The following NPR1 variants were observed in gnomAD, a reference collection of about 807,000 sequenced individuals.
NPR1 encodes atrial natriuretic peptide receptor 1.
NPR1 carries 57 observed loss-of-function variants against 116.9 expected under a neutral mutation model. That is an observed-to-expected ratio of 0.49 (90% CI 0.39 to 0.61). The LOEUF is 0.61. Among genes scored for constraint, NPR1 ranks in the 20% least tolerant of loss-of-function variants. The pLI is 0.00. For synonymous variants in NPR1, 555 were observed against 601.6 expected (o/e 0.92, Z 1.13); for missense variants, 1,096 against 1,409.8 (o/e 0.78, Z 3.56).
At position 153,683,783 on chromosome 1, in the gene NPR1, C is replaced by A; in HGVS notation, c.1443C>A (p.Leu481=). 1 of 1,614,112 alleles carries A rather than the reference C, an allele frequency of 6.2e-7. No homozygotes were observed. The highest frequency in any genetic ancestry group is 1.6e-4 in the Middle Eastern group (1 of 6,062). ...TLEVLALVGS[L]SLLGILIVSF... ...AGGTGCTGGCTTTGGTGGGCAGCCTCTCCTTGCTCGGCATTCTGATTGTCT... is the reference window on the plus strand; with the variant it reads ...AGGTGCTGGCTTTGGTGGGCAGCCTATCCTTGCTCGGCATTCTGATTGTCT... Residue 481 remains leucine (L), a synonymous_variant, in exon 7 of 22, where the codon CTC becomes CTA. Transcript: ENST00000368680.
intron 13 of NPR1, 64 bp from the exon 14 acceptor site, chr1:153,687,570 G>T (rs1669966332): frequency 1.3e-6 from 2 of 1,527,140 alleles, no homozygotes; most frequent in Admixed American, 2.1e-5. Flanking sequence ...CCACACCCTT[G>T]TTTCCCCCTC....
chr1:153,690,942 C>CAAAAAA (rs57820357), intron 20 of NPR1, among the ~76,000 whole-genome samples: 5 of 51,316 alleles, frequency 9.7e-5, no homozygotes, highest in African/African-American at 1.4e-4. Context: ...AACTCTGTCT[C>CAAAAAA]AAAAAAAAAA....
In NPR1 at chr1:153,679,130, G is replaced by C. The variant is rs767857443; in HGVS notation, c.22G>C (p.Ala8Pro). 1.4e-6 allele frequency: 2 copies of C among 1,442,094 alleles called. No individual in the cohort carries two copies. The highest frequency in any genetic ancestry group is 2.8e-5 in the South Asian group (2 of 70,642). 89.3% of individuals were successfully genotyped at this position (1,442,094 alleles called of 1,614,324 possible). A position where few individuals can be genotyped will look rare whatever the true frequency, so the allele number is the denominator to read the frequency against. Reference sequence around the variant, plus strand: ...GGCCATGCCGGGGCCCCGGCGCCCCGCTGGCTCCCGCCTGCGCCTGCTCCT... The same window carrying C: ...GGCCATGCCGGGGCCCCGGCGCCCCCCTGGCTCCCGCCTGCGCCTGCTCCT... Reference protein sequence around the residue: MPGPRRPAGSRLRLLLLL... With the variant: MPGPRRPPGSRLRLLLLL... The change falls in exon 1 of 22, where the codon GCT (alanine) becomes CCT (proline). Residue 8 changes from alanine to proline, a missense_variant. Transcript: ENST00000368680. This position sits in a 1 kb window ranked among gnomAD's most constrained non-coding sequence, Gnocchi z 4.2.
chr1:153,685,818 T>G lies in NPR1; in HGVS notation c.1618T>G (p.Tyr540Asp). The stretch of plus-strand genomic sequence containing the variant: ...TCCCTCCTTTCAGAGAGGCTCCAAT[T>G]ACGGCTCCCTGCTAACCACAGAGGG... ...RLTLSGRGSN[Y>D]GSLLTTEGQF... Residue 540 changes from tyrosine (Y) to aspartate (D), a missense_variant, in exon 9 of 22, where the codon TAC becomes GAC. Physicochemically the swap from Tyr to Asp is radical, Grantham distance 160. Coordinates refer to ENST00000368680, the MANE Select transcript of NPR1 (RefSeq NM_000906.4). 6.2e-7 allele frequency: 1 copy of G among 1,614,090 alleles called. No individual in the cohort carries two copies. The highest frequency in any genetic ancestry group is 2.2e-5 in the East Asian group (1 of 44,884).
rs770343388 is a variant in NPR1 at position 153,689,188 on chromosome 1, C to G, written c.2565C>G (p.His855Gln). Residue 855 changes from histidine to glutamine, a missense_variant and splice_region_variant, in exon 17 of 22, where the codon CAC becomes CAG. Physicochemically the swap from His to Gln is conservative, Grantham distance 24. Coordinates refer to ENST00000368680, the MANE Select transcript of NPR1 (RefSeq NM_000906.4). This position sits in a 1 kb window ranked among gnomAD's most constrained non-coding sequence, Gnocchi z 5.1. ...TCCTGCACCTGCCCTGACCCCTTAG[C>G]TCAGTGGCTGAGCAGCTGAAGCGTG... ...AEALLYQILP[H>Q]SVAEQLKRGE... The G allele has an allele frequency of 5.0e-6, 8 of 1,614,242 alleles. No homozygotes were observed. Among genetic ancestry groups the G allele is most frequent in the Non-Finnish European group, 5.9e-6 (7 of 1,180,044 alleles).
chr1:153,681,627 CTTG>C (rs1213022213), intron 3 of NPR1, 74 bp from the exon 4 acceptor site: 27 of 1,535,124 alleles, frequency 1.8e-5, no homozygotes, highest in Admixed American at 3.8e-5. Flanking sequence ...CCCAGTGCCT[CTTG>C]TTCCCTTCCC....
Position 153,681,274 on chromosome 1 carries a change from T to A in NPR1, c.1016T>A (p.Phe339Tyr), listed in dbSNP as rs533008573. 1.4e-5 allele frequency: 22 copies of A among 1,610,200 alleles called. No individual in the cohort carries two copies. The South Asian group carries it at 2.3e-4, about 17-fold the overall frequency. The change falls in exon 3 of 22, where the codon TTC (phenylalanine) becomes TAC (tyrosine). Residue 339 changes from phenylalanine (F) to tyrosine (Y), a missense_variant. Transcript: ENST00000368680. Reference protein sequence around the residue: ...LKHLAYEQFNFTMEDGLVNTI... With the variant: ...LKHLAYEQFNYTMEDGLVNTI... ...CACCTGGCCTATGAGCAGTTCAACT[T>A]CACCATGGAGGATGGCCTGGTAAGA...
intron 15 of NPR1, 151 bp downstream of exon 15, chr1:153,688,372 T>A (rs371647645): frequency 1.3e-5 from 10 of 757,054 alleles, no homozygotes; most frequent in Non-Finnish European, 2.1e-5. Context: ...CACAGCCTCA[T>A]GACCCTCTTC....
rs1469131116 is a variant in NPR1, at chr1:153,686,998, C to A, written c.1864-18C>A. The A allele has an allele frequency of 6.2e-7, 1 of 1,613,894 alleles. No individual in the cohort carries two copies. The highest frequency in any genetic ancestry group is 8.5e-7 in the Non-Finnish European group (1 of 1,179,762). On this transcript the variant is annotated intron_variant, in intron 11 of 21. Transcript: ENST00000368680. ...GGGGATCTGCAGGGGATTGGTCTGA[C>A]TCTTATTGCCCCAGCAGGACATTCT...
At position 153,689,262 on chromosome 1, in the gene NPR1, G is replaced by A. The variant is rs1670021602; in HGVS notation, c.2639G>A (p.Ser880Asn). Reference sequence around the variant, plus strand: ...TTTGACAGTGTTACCATCTACTTCAGTGACATTGTGGGTTTCACAGCGCTG... The same window carrying A: ...TTTGACAGTGTTACCATCTACTTCAATGACATTGTGGGTTTCACAGCGCTG... ...EAFDSVTIYF[S>N]DIVGFTALSA... is the part of the protein sequence containing the mutation. The change falls in exon 17 of 22, where the codon AGT becomes AAT. Residue 880 changes from serine to asparagine, a missense_variant. Coordinates refer to ENST00000368680, the MANE Select transcript of NPR1 (RefSeq NM_000906.4). The surrounding 1 kb of genome is among the most constrained non-coding windows in gnomAD (Gnocchi z 5.1). The A allele has an allele frequency of 6.2e-7, 1 of 1,614,122 alleles. No homozygotes were observed. The highest frequency in any genetic ancestry group is 1.1e-5 in the South Asian group (1 of 91,094).
At chr1:153,690,063 CT>C in intron 19 of NPR1, 83 bp downstream of exon 19, 1 of 1,215,588 alleles carries the variant, frequency 8.2e-7, no homozygotes, top group Non-Finnish European at 1.1e-6. Context: ...GCCCCTCGCC[CT>C]TTCATCTCTC....
intron 2 of NPR1, 32 bp downstream of exon 2, chr1:153,680,732 T>C (rs1557960187): frequency 2.6e-6 from 4 of 1,560,068 alleles, no homozygotes; most frequent in Non-Finnish European, 3.5e-6. Context: ...CCAGGCTGTC[T>C]CAGCTTGTGG....
intron 20 of NPR1, among the ~76,000 whole-genome samples, chr1:153,692,272 T>G (rs1670127498): frequency 6.6e-6 from 1 of 152,172 alleles, no homozygotes; most frequent in African/African-American, 2.4e-5. Flanking sequence ...AGAATTTATT[T>G]TACATACCTA....
chr1:153,687,885 C>T (rs1406999765), intron 14 of NPR1, 96 bp downstream of exon 14: 2 of 1,332,120 alleles, frequency 1.5e-6, no homozygotes, highest in African/African-American at 2.9e-5. Flanking sequence ...CACCTTCCTT[C>T]TGTAATGGGG....
Position 153,679,115 on chromosome 1 carries a change from G to A in NPR1, c.7G>A (p.Gly3Arg). 3 of 1,429,306 alleles carry A rather than the reference G, an allele frequency of 2.1e-6. No homozygotes were observed. Among genetic ancestry groups the A allele is most frequent in the Middle Eastern group, 2.5e-4 (1 of 3,986 alleles). 88.5% of individuals were successfully genotyped at this position (1,429,306 alleles called of 1,614,324 possible). Residue 3 changes from glycine to arginine, a missense_variant, in exon 1 of 22, where the codon GGG (glycine) becomes AGG (arginine). Physicochemically the swap from Gly to Arg is moderately radical, Grantham distance 125 (BLOSUM62 -2). Coordinates refer to ENST00000368680, the MANE Select transcript of NPR1 (RefSeq NM_000906.4). This position sits in a 1 kb window ranked among gnomAD's most constrained non-coding sequence, Gnocchi z 4.2. The stretch of plus-strand genomic sequence containing the variant: ...TGCGGTGCCCGCTGAGGCCATGCCG[G>A]GGCCCCGGCGCCCCGCTGGCTCCCG... The part of the protein sequence containing the change: MP[G>R]PRRPAGSRLR...
At position 153,686,896 on chromosome 1, in the gene NPR1, A is replaced by C. The variant is rs1191641689; in HGVS notation, c.1864-120A>C. The C allele has an allele frequency of 3.1e-6, 4 of 1,273,370 alleles. No homozygotes were observed. In the African/African-American group the frequency reaches 4.4e-5, roughly 14 times the overall value. The allele number at this position is 1,273,370 out of a possible 1,614,324, so 78.9% of individuals were successfully genotyped here. A position where few individuals can be genotyped will look rare whatever the true frequency, so the allele number is the denominator to read the frequency against. ...ATGGGAGTTGGGGAAGGGCAGTGGC[A>C]CTAGAGTCAATCCAAAGTTTTGTCC... On this transcript the variant is annotated intron_variant, in intron 11 of 21. Transcript: ENST00000368680.
At chr1:153,686,347 G>A (rs1669927629) in intron 10 of NPR1, 147 bp downstream of exon 10, 1 of 776,462 alleles carries the variant, frequency 1.3e-6, no homozygotes, top group Admixed American at 2.1e-5. Context: ...TTCATCTTGT[G>A]GGTGGGAGTG....
rs752644272 is a variant in NPR1, at chr1:153,681,280, T to C, written c.1022T>C (p.Met341Thr). Residue 341 changes from methionine to threonine, a missense_variant, in exon 3 of 22, where the codon ATG becomes ACG. Coordinates refer to ENST00000368680, the MANE Select transcript of NPR1 (RefSeq NM_000906.4). ...HLAYEQFNFT[M>T]EDGLVNTIPA... Reference sequence around the variant, plus strand: ...GCCTATGAGCAGTTCAACTTCACCATGGAGGATGGCCTGGTAAGAAGGGGT... The same window carrying C: ...GCCTATGAGCAGTTCAACTTCACCACGGAGGATGGCCTGGTAAGAAGGGGT... 1 of 1,606,730 alleles carries C rather than the reference T, an allele frequency of 6.2e-7. No individual in the cohort carries two copies. The highest frequency in any genetic ancestry group is 8.5e-7 in the Non-Finnish European group (1 of 1,173,470).
At chr1:153,682,710 C>T in intron 5 of NPR1, 121 bp downstream of exon 5, 1 of 738,006 alleles carries the variant, frequency 1.4e-6, no homozygotes, top group South Asian at 1.6e-5. Flanking sequence ...TGCCTGGACA[C>T]TTACAAGAGC....
Sources: allele counts gnomAD v4.1 joint callset (sites outside exome capture counted in the v4.1 genomes callset), GRCh38; gene constraint gnomAD v4.1.1; non-coding constraint Gnocchi (gnomAD v3.1); transcripts MANE v1.5; gene names NCBI Gene and HGNC (gene_info 2026-07-23, HGNC 2026-07-21).